The following NR1D1 variants were observed in gnomAD, a reference collection of about 807,000 sequenced individuals.
NR1D1 encodes Rev-ErbAalpha.
Under a neutral mutation model 51.1 loss-of-function variants are expected in NR1D1, and 17 were observed. The ratio of observed to expected loss-of-function variants is 0.33; its 90% confidence interval spans 0.23 to 0.50. The LOEUF is 0.50. Ranked by LOEUF, NR1D1 falls within the 20% of genes least tolerant of loss-of-function variation. NR1D1 has a pLI of 0.98. For missense variants in NR1D1, 647 were observed against 830.4 expected, an observed-to-expected ratio of 0.78 and a Z score of 2.71; for synonymous variants, 341 against 333.4, an observed-to-expected ratio of 1.02 and a Z score of -0.25.
In NR1D1 at chr17:40,095,612, C is replaced by A; in HGVS notation, c.1080G>T (p.Gln360His). The A allele has an allele frequency of 6.2e-7, 1 of 1,611,868 alleles. No individual in the cohort carries two copies. Among genetic ancestry groups the A allele is most frequent in the South Asian group, 1.1e-5 (1 of 90,760 alleles). ...AGGTGGGAGGGTAGGAGGAGGGAGC[C>A]TGGCGCAGACCATTTAGGGCCTCGT... ...RHNEALNGLR[Q>H]APSSYPPTWP... is the part of the protein sequence containing the mutation. Residue 360 changes from glutamine to histidine, a missense_variant, in exon 5 of 8, where the codon CAG (glutamine) becomes CAT (histidine). Around this residue, in one of 7 missense-constraint regions of NR1D1, gnomAD observed 185 missense variants for 176.3 expected, o/e 1.05. Coordinates refer to ENST00000246672, the MANE Select transcript of NR1D1 (RefSeq NM_021724.5).
rs1385002665 is a variant in NR1D1, at chr17:40,100,262, C to T, written c.-168G>A. ...GCAAGGTCTTGGGGTGGCCGGACTG[C>T]AGCCCTGCAGAAGGGTTGGACGTTG... On this transcript the variant is annotated 5_prime_UTR_variant, in exon 1 of 8. Transcript: ENST00000246672. 6.1e-6 allele frequency: 4 copies of T among 660,778 alleles called. No individual in the cohort carries two copies. The highest frequency in any genetic ancestry group is 1.7e-5 in the South Asian group (1 of 60,434). 40.9% of individuals were successfully genotyped at this position (660,778 alleles called of 1,614,324 possible).
rs200697396 is a variant in NR1D1, at chr17:40,092,808, T to C, written c.*275A>G. 5.6e-6 allele frequency: 4 copies of C among 714,184 alleles called. No individual in the cohort carries two copies. Among genetic ancestry groups the C allele is most frequent in the Non-Finnish European group, 8.8e-6 (4 of 455,844 alleles). The allele number at this position is 714,184 out of a possible 1,614,324, so 44.2% of individuals were successfully genotyped here. A position where few individuals can be genotyped will look rare whatever the true frequency, so the allele number is the denominator to read the frequency against. On this transcript the variant is annotated 3_prime_UTR_variant, in exon 8 of 8. Transcript: ENST00000246672. ...AGAAGCCAGCTCAGCTGTGAACTAT[T>C]GGATTTGAGACAGGAACAGAACAAA...
At chr17:40,099,528 ACTC>A (rs1399172832) in intron 1 of NR1D1, among the ~76,000 whole-genome samples, 5 of 151,862 alleles carry the variant, frequency 3.3e-5, no homozygotes, top group Admixed American at 1.3e-4. Flanking sequence ...CACGCTCTGG[ACTC>A]CTCAAGTGTC....
Position 40,096,062 on chromosome 17 carries a change from T to A in NR1D1, c.630A>T (p.Lys210Asn). Residue 210 changes from lysine (K) to asparagine (N), a missense_variant, in exon 5 of 8, where the codon AAA becomes AAT. Transcript: ENST00000246672. ...RDAVRFGRIP[K>N]REKQRMLAEM... ...CAGCAAGCATCCGCTGCTTCTCTCG[T>A]TTGGGGATGCGCCCAAAACGCACAG... is the stretch of plus-strand genomic sequence containing the variant. The A allele has an allele frequency of 6.2e-7, 1 of 1,612,690 alleles. No individual in the cohort carries two copies. Among genetic ancestry groups the A allele is most frequent in the Non-Finnish European group, 8.5e-7 (1 of 1,179,962 alleles).
chr17:40,097,511 G>T, intron 1 of NR1D1, 108 bp from the exon 2 acceptor site: 2 of 829,890 alleles, frequency 2.4e-6, no homozygotes, highest in Non-Finnish European at 3.9e-6. Flanking sequence ...TGGCCACTCA[G>T]TTCACCATGT....
chr17:40,093,092 G>A lies in NR1D1; in HGVS notation c.1836C>T (p.Asp612=), dbSNP rs199759695. 14 of 1,614,000 alleles carry A rather than the reference G, an allele frequency of 8.7e-6. No homozygotes were observed. The highest frequency in any genetic ancestry group is 2.2e-5 in the South Asian group (2 of 91,094). Residue 612 remains aspartate (D), a synonymous_variant, in exon 8 of 8, where the codon GAC becomes GAT. Coordinates refer to ENST00000246672, the MANE Select transcript of NR1D1 (RefSeq NM_021724.5). The surrounding 1 kb of genome is among the most constrained non-coding windows in gnomAD (Gnocchi z 5.9). ...HSEKLLSFRV[D]AQ is the part of the protein sequence containing the mutation. ...AGGCCGGCCGGGCGGGTCACTGGGC[G>A]TCCACCCGGAAGGACAGCAGCTTCT...
intron 6 of NR1D1, among the ~76,000 whole-genome samples, chr17:40,094,627 A>G (rs971101466): frequency 1.3e-5 from 2 of 152,222 alleles, no homozygotes; most frequent in Admixed American, 6.5e-5. Flanking sequence ...TCTGGGTGCA[A>G]TGGCTCACGC....
chr17:40,095,775 T>C lies in NR1D1; in HGVS notation c.917A>G (p.Lys306Arg). Residue 306 changes from lysine (K) to arginine (R), a missense_variant, in exon 5 of 8, where the codon AAG (lysine) becomes AGG (arginine). Transcript: ENST00000246672. The part of the protein sequence containing the change: ...HREIFTYAHD[K>R]LGSSPGNFNA... ...GAAGTTGCCAGGTGAGCTGCCCAGC[T>C]TGTCATGGGCGTAGGTGAAGATCTC... 6.2e-7 allele frequency: 1 copy of C among 1,614,068 alleles called. No homozygotes were observed. Among genetic ancestry groups the C allele is most frequent in the Non-Finnish European group, 8.5e-7 (1 of 1,180,022 alleles).
At chr17:40,097,450 G>C (rs557538042) in intron 1 of NR1D1, 47 bp from the exon 2 acceptor site, 1 of 1,489,434 alleles carries the variant, frequency 6.7e-7, no homozygotes, top group Non-Finnish European at 9.2e-7. Context: ...CCATGTCTCC[G>C]GACCTAGGGT....
chr17:40,094,201 G>C (rs957068767), intron 6 of NR1D1, 79 bp from the exon 7 acceptor site: 5 of 1,297,454 alleles, frequency 3.9e-6, no homozygotes, highest in Non-Finnish European at 5.6e-6. Flanking sequence ...TTGCCAGAGG[G>C]TTTAGCGGTG....
In NR1D1 at chr17:40,095,118, T is replaced by C. The variant is rs1987724172; in HGVS notation, c.1251A>G (p.Ala417=). Residue 417 remains alanine, a splice_region_variant and synonymous_variant, in exon 6 of 8, where the codon GCA becomes GCG. Transcript: ENST00000246672. ...RQGNSKNVLL[A]CPMNMYPHGR... The stretch of plus-strand genomic sequence containing the variant: ...CATGCGGGTACATGTTCATAGGACA[T>C]GCCTGGGGGAGGAAAAGATTGAAGG... 1 of 1,601,866 alleles carries C rather than the reference T, an allele frequency of 6.2e-7. No homozygotes were observed. Among genetic ancestry groups the C allele is most frequent in the Non-Finnish European group, 8.5e-7 (1 of 1,171,740 alleles).
intron 1 of NR1D1, among the ~76,000 whole-genome samples, chr17:40,098,937 G>C (rs1210632292): frequency 1.3e-5 from 2 of 152,112 alleles, no homozygotes; most frequent in Non-Finnish European, 2.9e-5. Flanking sequence ...TAGGGGTGAG[G>C]TCTCTTTAGG....
intron 1 of NR1D1, among the ~76,000 whole-genome samples, chr17:40,098,617 C>T (rs542338676): frequency 7.9e-5 from 12 of 152,130 alleles, no homozygotes; most frequent in Non-Finnish European, 1.8e-4. Context: ...AGGTCTAGAC[C>T]CATCACTACC....
intron 2 of NR1D1, 48 bp from the exon 3 acceptor site, chr17:40,096,827 G>T: frequency 6.3e-7 from 1 of 1,577,052 alleles, no homozygotes; most frequent in South Asian, 1.1e-5. Context: ...CAGGCTGAGT[G>T]GCCACAGGTG....
rs143622936 is a variant in NR1D1 at position 40,095,608 on chromosome 17, G to A, written c.1084C>T (p.Pro362Ser). The change falls in exon 5 of 8, where the codon CCC becomes TCC. Residue 362 changes from proline to serine, a missense_variant. Around this residue, in one of 7 missense-constraint regions of NR1D1, gnomAD observed 185 missense variants for 176.3 expected, o/e 1.05. Transcript: ENST00000246672. ...NEALNGLRQA[P>S]SSYPPTWPPG... is the part of the protein sequence containing the mutation. Reference sequence around the variant, plus strand: ...GGCCAGGTGGGAGGGTAGGAGGAGGGAGCCTGGCGCAGACCATTTAGGGCC... The same window carrying A: ...GGCCAGGTGGGAGGGTAGGAGGAGGAAGCCTGGCGCAGACCATTTAGGGCC... The A allele has an allele frequency of 3.7e-5, 59 of 1,611,744 alleles. 1 individual carries two copies. In the East Asian group the frequency reaches 1.2e-3, roughly 32 times the overall value.
In NR1D1 at chr17:40,094,947, A is replaced by G. The variant is rs1987718789; in HGVS notation, c.1422T>C (p.Ala474=). 1.9e-6 allele frequency: 3 copies of G among 1,613,980 alleles called. No individual in the cohort carries two copies. Among genetic ancestry groups the G allele is most frequent in the Non-Finnish European group, 2.5e-6 (3 of 1,179,978 alleles). The part of the protein sequence containing the change: ...SQHDQVTLLK[A]GTFEVLMVRF... ...AACGGTCACTCACCTCAAAGGTGCC[A>G]GCCTTAAGCAGGGTGACTTGGTCAT... The change falls in exon 6 of 8, where the codon GCT becomes GCC. Residue 474 remains alanine, a synonymous_variant. Coordinates refer to ENST00000246672, the MANE Select transcript of NR1D1 (RefSeq NM_021724.5).
In NR1D1 at chr17:40,094,884, G is replaced by GA. The variant is rs568925658; in HGVS notation, c.1434+50dup. The GA allele has an allele frequency of 1.6e-4, 247 of 1,582,666 alleles. 1 individual carries two copies. The East Asian group carries it at 4.3e-3, about 28-fold the overall frequency. On this transcript the variant is annotated intron_variant, in intron 6 of 7. Transcript: ENST00000246672. ...TTGCACTCCAGCCTGGGCGACAAGC[G>GA]AAACTCTGTCTCAAAAAAAACAAAA...
intron 6 of NR1D1, 66 bp downstream of exon 6, chr17:40,094,869 G>T: frequency 2.0e-6 from 3 of 1,519,274 alleles, no homozygotes; most frequent in Non-Finnish European, 2.7e-6. Flanking sequence ...TTGCACTCCA[G>T]CCTGGGCGAC....
intron 4 of NR1D1, 61 bp from the exon 5 acceptor site, chr17:40,096,148 T>C: frequency 1.9e-6 from 3 of 1,571,304 alleles, no homozygotes; most frequent in Non-Finnish European, 1.7e-6. Context: ...CTTCTCTTCC[T>C]TCCTTCCTCC....
Sources: gnomAD v4.1 joint callset for allele counts (sites outside exome capture counted in the v4.1 genomes callset) on GRCh38, gnomAD v4.1.1 for gene constraint, gnomAD v4.1.1 regional missense constraint, Gnocchi (gnomAD v3.1) non-coding constraint, MANE v1.5 for transcripts, NCBI Gene and HGNC (gene_info 2026-07-23, HGNC 2026-07-21) for gene names.